Variants in WWOX observed in about 807,000 individuals in gnomAD.
WWOX encodes WW domain containing oxidoreductase, also known as WW domain-containing oxidoreductase.
Under a neutral mutation model 46.2 loss-of-function variants are expected in WWOX, and 69 were observed. The observed-to-expected ratio is 1.49, with a 90% CI of 1.23 to 1.82. WWOX has a LOEUF of 1.82. WWOX is among the 40% of genes most tolerant of loss of function. The pLI, the probability that WWOX is intolerant of heterozygous loss-of-function variation, is 0.00. For missense variants in WWOX, 919 were observed against 542.6 expected, an observed-to-expected ratio of 1.69 and a Z score of -6.89; for synonymous variants, 359 against 202.6, an observed-to-expected ratio of 1.77 and a Z score of -6.56.
At chr16:78,326,731 TGACATGGACTTAATTGTTTCATTTAGACA>T (rs2080632057) in intron 5 of WWOX, among the ~76,000 whole-genome samples, 3 of 152,072 alleles carry the variant, frequency 2.0e-5, no homozygotes, top group Admixed American at 1.3e-4. Flanking sequence ...TGCCTGCCAC[TGACATGGACTTAATTGTTTCATTTAGACA>T]TTTAAGTGGG....
intron 8 of WWOX, among the ~76,000 whole-genome samples, chr16:78,752,637 A>T (rs913850078): frequency 1.3e-5 from 2 of 152,216 alleles, no homozygotes; most frequent in Admixed American, 1.3e-4. Context: ...CTTTCAAATC[A>T]TGATAAAATT....
chr16:78,658,065 G>C (rs906406466), intron 8 of WWOX, among the ~76,000 whole-genome samples: 3 of 151,998 alleles, frequency 2.0e-5, no homozygotes, highest in African/African-American at 4.8e-5. Flanking sequence ...GGGATTTCCT[G>C]TGAGTTACAA....
intron 5 of WWOX, among the ~76,000 whole-genome samples, chr16:78,243,488 T>C (rs182432588): frequency 1.3e-5 from 2 of 152,080 alleles, no homozygotes; most frequent in East Asian, 1.9e-4. Context: ...ACCCAATAGG[T>C]GCTTTTTCGG....
chr16:78,483,826 A>T (rs552538360), intron 8 of WWOX, among the ~76,000 whole-genome samples: 210 of 152,188 alleles, frequency 1.4e-3, no homozygotes, highest in African/African-American at 4.9e-3. Context: ...CCTTAATTTA[A>T]AAAAAATGAG....
chr16:79,124,768 T>G (rs1367941988), intron 8 of WWOX, among the ~76,000 whole-genome samples: 2 of 152,186 alleles, frequency 1.3e-5, no homozygotes, highest in African/African-American at 2.4e-5. Flanking sequence ...CTAAATTGGT[T>G]AGAAAGTGTG....
intron 4 of WWOX, among the ~76,000 whole-genome samples, chr16:78,127,078 C>T (rs999321486): frequency 6.6e-6 from 1 of 152,180 alleles, no homozygotes; most frequent in Non-Finnish European, 1.5e-5. Flanking sequence ...ACTCTGGAAG[C>T]AGACGTGACC....
chr16:78,679,783 A>G (rs1471045192), intron 8 of WWOX, among the ~76,000 whole-genome samples: 2 of 152,218 alleles, frequency 1.3e-5, no homozygotes, highest in African/African-American at 4.8e-5. Flanking sequence ...ATGGCTGCCA[A>G]GAGAACAGCA....
At chr16:78,701,939 C>T (rs968970494) in intron 8 of WWOX, among the ~76,000 whole-genome samples, 1 of 146,400 alleles carries the variant, frequency 6.8e-6, no homozygotes, top group Non-Finnish European at 1.5e-5. Context: ...AATCCCAGAA[C>T]ACTGGGAGGC....
At chr16:79,202,607 A>T (rs1327271438) in intron 8 of WWOX, 1 of 152,254 alleles carries the variant, frequency 6.6e-6, no homozygotes, top group Non-Finnish European at 1.5e-5. Flanking sequence ...AGGCAAACAA[A>T]AGAAGCCACA....
intron 6 of WWOX, among the ~76,000 whole-genome samples, chr16:78,424,107 C>G (rs868572975): frequency 2.0e-5 from 2 of 102,124 alleles, no homozygotes; most frequent in African/African-American, 7.4e-5. Flanking sequence ...CTTTTCTTTT[C>G]TTTTTTTTTT....
intron 8 of WWOX, among the ~76,000 whole-genome samples, chr16:78,865,394 T>C (rs1462216992): frequency 2.0e-5 from 3 of 152,208 alleles, no homozygotes; most frequent in East Asian, 1.9e-4. Context: ...GTCAACACCA[T>C]AGATAAATCT....
intron 8 of WWOX, among the ~76,000 whole-genome samples, chr16:79,035,849 C>G (rs143933444): frequency 1.3e-5 from 2 of 152,240 alleles, no homozygotes; most frequent in African/African-American, 4.8e-5. Context: ...CCTGCCTCTG[C>G]CTCCCAAAGT....
At chr16:78,504,419 C>T (rs1285205706) in intron 8 of WWOX, among the ~76,000 whole-genome samples, 5 of 152,190 alleles carry the variant, frequency 3.3e-5, no homozygotes, top group Non-Finnish European at 5.9e-5. Flanking sequence ...CTTGATCTCT[C>T]AGAATGCGTT....
At chr16:79,198,286 C>T (rs558603945) in intron 8 of WWOX, among the ~76,000 whole-genome samples, 3 of 152,184 alleles carry the variant, frequency 2.0e-5, no homozygotes, top group East Asian at 1.9e-4. Context: ...TGATGTAAGC[C>T]GAGATTGCGC....
intron 4 of WWOX, chr16:78,145,888 T>C (rs2034181852): frequency 6.6e-6 from 1 of 152,112 alleles, no homozygotes; most frequent in African/African-American, 2.4e-5. Flanking sequence ...AGGGCTTCAG[T>C]GTATGAGTTT....
intron 8 of WWOX, among the ~76,000 whole-genome samples, chr16:79,024,793 A>AAAT (rs2047604634): frequency 6.6e-6 from 1 of 152,096 alleles, no homozygotes; most frequent in Non-Finnish European, 1.5e-5. Flanking sequence ...GCTGATCTCA[A>AAAT]AATCCTGGCC....
At chr16:78,515,266 C>T (rs1303296189) in intron 8 of WWOX, among the ~76,000 whole-genome samples, 4 of 152,046 alleles carry the variant, frequency 2.6e-5, no homozygotes, top group African/African-American at 7.2e-5. Flanking sequence ...TATTCCATAG[C>T]TGACTATTTT....
chr16:79,181,264 A>C (rs1365118761), intron 8 of WWOX, among the ~76,000 whole-genome samples: 1 of 152,244 alleles, frequency 6.6e-6, no homozygotes, highest in Non-Finnish European at 1.5e-5. Context: ...CGTATAGATC[A>C]AACAAAAATT....
intron 8 of WWOX, among the ~76,000 whole-genome samples, chr16:78,511,333 C>T (rs992008101): frequency 2.0e-5 from 3 of 152,144 alleles, no homozygotes; most frequent in African/African-American, 7.2e-5. Flanking sequence ...GACACTATGA[C>T]CGTTGACGAA....
Sources: allele counts gnomAD v4.1 joint callset (sites outside exome capture counted in the v4.1 genomes callset), GRCh38; gene constraint gnomAD v4.1.1; transcripts MANE v1.5; gene names NCBI Gene and HGNC (gene_info 2026-07-23, HGNC 2026-07-21).